Variants in LHFPL3 observed in about 807,000 individuals in gnomAD.
LHFPL3 encodes LHFPL tetraspan subfamily member 3 protein.
In LHFPL3, 5 loss-of-function variants were observed where a neutral mutation model predicts 19.3. That is an observed-to-expected ratio of 0.26 (90% CI 0.14 to 0.54). The LOEUF (loss-of-function observed/expected upper bound fraction) is 0.54. Among genes scored for constraint, LHFPL3 ranks in the 20% least tolerant of loss-of-function variants. The pLI, the probability that LHFPL3 is intolerant of heterozygous loss-of-function variation, is 0.94. For missense variants in LHFPL3, 249 were observed against 307.4 expected, an observed-to-expected ratio of 0.81 and a Z score of 1.42; for synonymous variants, 133 against 126.2, an observed-to-expected ratio of 1.05 and a Z score of -0.36.
At chr7:104,560,014 A>G (rs1288770193) in intron 1 of LHFPL3, among the ~76,000 whole-genome samples, 1 of 149,418 alleles carries the variant, frequency 6.7e-6, no homozygotes, top group Non-Finnish European at 1.5e-5. Context: ...CCAGCCTTGC[A>G]TCCCAGGGAT....
chr7:104,656,866 C>T (rs934299808), intron 1 of LHFPL3, among the ~76,000 whole-genome samples: 1 of 152,302 alleles, frequency 6.6e-6, no homozygotes, highest in East Asian at 1.9e-4. Context: ...TTCTACTGTC[C>T]TTTTAAAGAA....
intron 2 of LHFPL3, among the ~76,000 whole-genome samples, chr7:104,777,890 A>G (rs59477769): frequency 0.08 from 12,211 of 152,104 alleles, 570 homozygotes; most frequent in South Asian, 0.11. Context: ...GATCTCTTGT[A>G]ACTTAAGTAA....
At chr7:104,878,687 T>C (rs537847587) in intron 2 of LHFPL3, among the ~76,000 whole-genome samples, 2 of 152,242 alleles carry the variant, frequency 1.3e-5, no homozygotes, top group East Asian at 3.9e-4. Flanking sequence ...TCACTTGAAA[T>C]CAAAAGCTAG....
At chr7:104,801,549 G>C (rs547107326) in intron 2 of LHFPL3, among the ~76,000 whole-genome samples, 1 of 152,032 alleles carries the variant, frequency 6.6e-6, no homozygotes, top group East Asian at 1.9e-4. Context: ...TTTTGTTTTT[G>C]TATGTTTGTT....
intron 2 of LHFPL3, among the ~76,000 whole-genome samples, chr7:104,778,071 G>A (rs904986440): frequency 6.6e-6 from 1 of 152,144 alleles, no homozygotes; most frequent in Non-Finnish European, 1.5e-5. Context: ...GCCCTGCTTT[G>A]GAAGAAGAAG....
rs59672048 is a variant in LHFPL3, at chr7:104,864,192, C to A, written c.683-41995C>A. Among the ~76,000 whole-genome samples, 884 of 152,350 alleles carry A rather than the reference C, an allele frequency of 5.8e-3. 12 individuals are homozygous for A. The highest frequency in any genetic ancestry group is 0.02 in the African/African-American group (849 of 41,580). On this transcript the variant is annotated intron_variant, in intron 2 of 2. Coordinates refer to ENST00000424859, the MANE Select transcript of LHFPL3 (RefSeq NM_199000.3). ...TCTACAGCTCCCAGCATGAGCAACA[C>A]AGAAGATGGGTTATTTCTGCATTTC...
chr7:104,725,642 T>C (rs148545157), intron 1 of LHFPL3, among the ~76,000 whole-genome samples: 8 of 152,326 alleles, frequency 5.3e-5, no homozygotes, highest in Non-Finnish European at 1.0e-4. Flanking sequence ...TTTAACAATC[T>C]TGTTATCACT....
At chr7:104,528,173 T>C (rs562960928) in intron 1 of LHFPL3, among the ~76,000 whole-genome samples, 22 of 152,234 alleles carry the variant, frequency 1.4e-4, no homozygotes, top group Non-Finnish European at 3.1e-4. Flanking sequence ...ATTCTGTTGA[T>C]TTGATCATTT....
intron 2 of LHFPL3, among the ~76,000 whole-genome samples, chr7:104,862,679 C>T (rs528563073): frequency 6.6e-6 from 1 of 152,282 alleles, no homozygotes; most frequent in South Asian, 2.1e-4. Flanking sequence ...AGCTACCCCT[C>T]ACCCCTGCAA....
chr7:104,640,691 G>A (rs1791817051), intron 1 of LHFPL3, among the ~76,000 whole-genome samples: 1 of 152,192 alleles, frequency 6.6e-6, no homozygotes, highest in Non-Finnish European at 1.5e-5. Flanking sequence ...CGTTCTAACT[G>A]ATGCGAGATG....
chr7:104,482,781 T>A (rs139003854), intron 1 of LHFPL3, among the ~76,000 whole-genome samples: 26 of 152,322 alleles, frequency 1.7e-4, no homozygotes, highest in African/African-American at 6.3e-4. Flanking sequence ...ATGCCACCTT[T>A]TCCCACTGCA....
At chr7:104,438,828 A>G (rs911676405) in intron 1 of LHFPL3, among the ~76,000 whole-genome samples, 34 of 152,206 alleles carry the variant, frequency 2.2e-4, no homozygotes, top group African/African-American at 7.7e-4. Flanking sequence ...TAAAAAAACA[A>G]CAAAATTGTT....
intron 1 of LHFPL3, among the ~76,000 whole-genome samples, chr7:104,541,417 C>T (rs1364998436): frequency 6.6e-6 from 1 of 152,122 alleles, no homozygotes; most frequent in Non-Finnish European, 1.5e-5. Flanking sequence ...GTGACTCCTG[C>T]CATCATTGTG....
intron 1 of LHFPL3, among the ~76,000 whole-genome samples, chr7:104,508,330 A>G (rs1387117996): frequency 1.3e-5 from 2 of 151,658 alleles, no homozygotes; most frequent in Non-Finnish European, 2.9e-5. Context: ...GAAATTGGAA[A>G]TCATCATTCT....
At chr7:104,872,801 G>C (rs1274639254) in intron 2 of LHFPL3, among the ~76,000 whole-genome samples, 3 of 152,190 alleles carry the variant, frequency 2.0e-5, no homozygotes. Context: ...CTGAGGACCT[G>C]CCTGAAGCTG....
intron 2 of LHFPL3, among the ~76,000 whole-genome samples, chr7:104,747,305 T>C (rs963871258): frequency 1.3e-5 from 2 of 152,216 alleles, no homozygotes; most frequent in African/African-American, 4.8e-5. Flanking sequence ...CCTCGTTGTA[T>C]TGATAGACAG....
At chr7:104,417,353 G>A (rs1212021640) in intron 1 of LHFPL3, among the ~76,000 whole-genome samples, 1 of 152,060 alleles carries the variant, frequency 6.6e-6, no homozygotes, top group Non-Finnish European at 1.5e-5. Flanking sequence ...GTATGCCAGT[G>A]TCCCTGTTTC....
intron 2 of LHFPL3, among the ~76,000 whole-genome samples, chr7:104,795,038 A>G (rs189535136): frequency 3.0e-4 from 46 of 152,236 alleles, no homozygotes; most frequent in African/African-American, 1.1e-3. Context: ...AAACCTTTTT[A>G]TTTTCTTCTA....
At position 104,729,436 on chromosome 7, in the gene LHFPL3, T is replaced by G. The variant is rs551636234; in HGVS notation, c.446-7239T>G. The stretch of plus-strand genomic sequence containing the variant: ...ATAATATAATGTTGTTAACTAATAG[T>G]CACCCTACTGTGCAACAGAACACCA... On this transcript the variant is annotated intron_variant, in intron 1 of 2. Transcript: ENST00000424859. Among the ~76,000 whole-genome samples, 3 of 152,268 alleles carry G rather than the reference T, an allele frequency of 2.0e-5. No homozygotes were observed. The South Asian group carries it at 6.2e-4, about 32-fold the overall frequency.
Sources: allele counts gnomAD v4.1 joint callset (sites outside exome capture counted in the v4.1 genomes callset), GRCh38; gene constraint gnomAD v4.1.1; transcripts MANE v1.5; gene names NCBI Gene and HGNC (gene_info 2026-07-23, HGNC 2026-07-21).